The following VWDE variants were observed in gnomAD, a reference collection of about 807,000 sequenced individuals.
The protein encoded by VWDE is von Willebrand factor D and EGF domain-containing protein.
Under a neutral mutation model 178.4 loss-of-function variants are expected in VWDE, and 207 were observed. The observed-to-expected ratio is 1.16, with a 90% CI of 1.04 to 1.30. The LOEUF (loss-of-function observed/expected upper bound fraction) is 1.30, where lower values mean the gene tolerates loss of function less well. VWDE is among the 50% of genes most tolerant of loss of function. VWDE has a pLI of 0.00. For synonymous variants in VWDE, 738 were observed against 651.4 expected (o/e 1.13, Z -2.02); for missense variants, 2,287 against 1,901.3 (o/e 1.20, Z -3.77).
At chr7:12,398,503 G>T (rs1784730331) in intron 1 of VWDE, among the ~76,000 whole-genome samples, 1 of 152,038 alleles carries the variant, frequency 6.6e-6, no homozygotes, top group Non-Finnish European at 1.5e-5. Flanking sequence ...CCTACATGTA[G>T]CTATATTTCT....
chr7:12,388,438 A>G (rs955061323), intron 3 of VWDE, among the ~76,000 whole-genome samples: 1 of 152,174 alleles, frequency 6.6e-6, no homozygotes. Context: ...ACTCAAATGC[A>G]GCCAACAACC....
In VWDE at chr7:12,389,132, G is replaced by C. The variant is rs199964998; in HGVS notation, c.470C>G (p.Ala157Gly). The part of the protein sequence containing the change: ...QPTQGCMGYC[A>G]EAISDARLHP... The stretch of plus-strand genomic sequence containing the variant: ...AATTACTGGTGTTTTCTTACCTTCC[G>C]CACAGTAGCCCATACATCCCTGAGT... Residue 157 changes from alanine to glycine, a missense_variant, in exon 3 of 29, where the codon GCG (alanine) becomes GGG (glycine). Coordinates refer to ENST00000275358, the MANE Select transcript of VWDE (RefSeq NM_001135924.3). 7.5e-4 allele frequency: 1,162 copies of C among 1,542,022 alleles called. 1 individual carries two copies. Among genetic ancestry groups the C allele is most frequent in the Middle Eastern group, 2.0e-3 (12 of 5,970 alleles).
chr7:12,386,069 G>C (rs1215937427), intron 3 of VWDE, among the ~76,000 whole-genome samples: 4 of 151,998 alleles, frequency 2.6e-5, no homozygotes, highest in Non-Finnish European at 5.9e-5. Context: ...TGAAAGTTTT[G>C]TTTTCTTTTT....
rs1315544668 is a variant in VWDE at position 12,344,150 on chromosome 7, G to A, written c.4078+45C>T. 4.7e-6 allele frequency: 7 copies of A among 1,475,212 alleles called. No individual in the cohort carries two copies. In the African/African-American group the frequency reaches 9.9e-5, roughly 21 times the overall value. 91.4% of individuals were successfully genotyped at this position (1,475,212 alleles called of 1,614,324 possible). A position where few individuals can be genotyped will look rare whatever the true frequency, so the allele number is the denominator to read the frequency against. The stretch of plus-strand genomic sequence containing the variant: ...TAAAATGGTTTTTAAAGAAAATTAT[G>A]CTATATTTTAGGCCTTATATTTGAT... On this transcript the variant is annotated intron_variant, in intron 21 of 28. Coordinates refer to ENST00000275358, the MANE Select transcript of VWDE (RefSeq NM_001135924.3).
chr7:12,354,396 A>G lies in VWDE; in HGVS notation c.3745+1715T>C, dbSNP rs79132050. ...CATAAAATCCTTCTGGACATGAACC[A>G]CAATGATAGGAACCAAAGGTATTCA... On this transcript the variant is annotated intron_variant, in intron 18 of 28. Coordinates refer to ENST00000275358, the MANE Select transcript of VWDE (RefSeq NM_001135924.3). 2,086 of 442,996 alleles carry G rather than the reference A, an allele frequency of 4.7e-3. 47 individuals are homozygous for G. Among genetic ancestry groups the G allele is most frequent in the African/African-American group, 0.039 (1,902 of 49,138 alleles). 27.4% of individuals were successfully genotyped at this position (442,996 alleles called of 1,614,324 possible). A position where few individuals can be genotyped will look rare whatever the true frequency, so the allele number is the denominator to read the frequency against.
Position 12,331,153 on chromosome 7 carries a change from C to G in VWDE, c.*30G>C, listed in dbSNP as rs533262157. 3.3e-6 allele frequency: 5 copies of G among 1,522,576 alleles called. No homozygotes were observed. Among genetic ancestry groups the G allele is most frequent in the African/African-American group, 1.4e-5 (1 of 71,504 alleles). 94.3% of individuals were successfully genotyped at this position (1,522,576 alleles called of 1,614,324 possible). A position where few individuals can be genotyped will look rare whatever the true frequency, so the allele number is the denominator to read the frequency against. Reference sequence around the variant, plus strand: ...ACAAAATATTTCCATTCTTAAGATACAGGCTTGTAATTCATATACTTGATG... The same window carrying G: ...ACAAAATATTTCCATTCTTAAGATAGAGGCTTGTAATTCATATACTTGATG... On this transcript the variant is annotated 3_prime_UTR_variant, in exon 29 of 29. Transcript: ENST00000275358.
chr7:12,367,456 T>C lies in VWDE; in HGVS notation c.2799A>G (p.Gly933=), dbSNP rs762362033. 1.9e-6 allele frequency: 3 copies of C among 1,542,166 alleles called. No homozygotes were observed. The highest frequency in any genetic ancestry group is 2.6e-6 in the Non-Finnish European group (3 of 1,142,190). ...AATTATATTTTTGAACATCACAGAA[T>C]CCAGCATTCCCAAGCTCTGTAATTT... ...APEITELGNA[G]FCDVQKYNCM... The change falls in exon 13 of 29, where the codon GGA becomes GGG. Residue 933 remains glycine, a synonymous_variant. Coordinates refer to ENST00000275358, the MANE Select transcript of VWDE (RefSeq NM_001135924.3).
At chr7:12,369,523 A>G (rs1783038239) in intron 12 of VWDE, 22 bp downstream of exon 12, 1 of 1,492,390 alleles carries the variant, frequency 6.7e-7, no homozygotes, top group Non-Finnish European at 9.0e-7. Context: ...TGCAATATCA[A>G]ACTTTGAGAG....
At chr7:12,385,400 T>C (rs1020317831) in intron 3 of VWDE, among the ~76,000 whole-genome samples, 1 of 152,182 alleles carries the variant, frequency 6.6e-6, no homozygotes, top group South Asian at 2.1e-4. Flanking sequence ...CTAAAGTAGT[T>C]ATGATAAGAA....
rs1413298081 is a variant in VWDE, at chr7:12,391,097, G to GA, written c.244-1740dup. Among the ~76,000 whole-genome samples, 4 of 152,166 alleles carry GA rather than the reference G, an allele frequency of 2.6e-5. No individual in the cohort carries two copies. In the East Asian group the frequency reaches 7.7e-4, roughly 29 times the overall value. On this transcript the variant is annotated intron_variant, in intron 2 of 28. Coordinates refer to ENST00000275358, the MANE Select transcript of VWDE (RefSeq NM_001135924.3). ...AAATGATAATGCTATAACTGTAACT[G>GA]AAAAAGAATAGCATGTTTTTCAATT...
At chr7:12,354,320 A>C (rs1461756615) in intron 18 of VWDE, 2 of 402,544 alleles carry the variant, frequency 5.0e-6, no homozygotes, top group Non-Finnish European at 9.6e-6. Context: ...CAGCAAAAAA[A>C]ATCTCATAGC....
intron 1 of VWDE, among the ~76,000 whole-genome samples, chr7:12,401,341 T>A (rs1784884773): frequency 6.6e-6 from 1 of 152,114 alleles, no homozygotes; most frequent in African/African-American, 2.4e-5. Context: ...CCCCTCAGTA[T>A]CCACAGGGGA....
chr7:12,378,885 G>A lies in VWDE; in HGVS notation c.879+592C>T, dbSNP rs147733094. 2.5e-4 allele frequency among the ~76,000 whole-genome samples: 38 copies of A among 152,250 alleles called. No individual in the cohort carries two copies. In the South Asian group the frequency reaches 5.2e-3, roughly 21 times the overall value. On this transcript the variant is annotated intron_variant, in intron 6 of 28. Coordinates refer to ENST00000275358, the MANE Select transcript of VWDE (RefSeq NM_001135924.3). The stretch of plus-strand genomic sequence containing the variant: ...AGAAATGAATCCAGGTCAAACTCGA[G>A]TCCTGTGGGTGAGACCTTCCAGGTT...
intron 27 of VWDE, among the ~76,000 whole-genome samples, chr7:12,334,706 G>A (rs1310430907): frequency 1.3e-5 from 2 of 152,228 alleles, no homozygotes; most frequent in South Asian, 4.1e-4. Context: ...GCAGGATGCA[G>A]AAACAGGGTG....
intron 3 of VWDE, among the ~76,000 whole-genome samples, chr7:12,384,988 T>G (rs10273416): frequency 0.048 from 7,306 of 152,232 alleles, 359 homozygotes; most frequent in South Asian, 0.16. Flanking sequence ...CTAACTAGCT[T>G]GCTAAGTAGA....
intron 24 of VWDE, 40 bp from the exon 25 acceptor site, chr7:12,337,312 T>A (rs771946314): frequency 8.2e-6 from 12 of 1,462,632 alleles, no homozygotes; most frequent in South Asian, 1.2e-5. Flanking sequence ...ATATTACACA[T>A]CCCATTACTA....
chr7:12,369,617 T>C lies in VWDE; in HGVS notation c.2689A>G (p.Asn897Asp). 1 of 1,551,500 alleles carries C rather than the reference T, an allele frequency of 6.4e-7. No homozygotes were observed. The highest frequency in any genetic ancestry group is 8.7e-7 in the Non-Finnish European group (1 of 1,146,818). ...VLKCPNLCSG[N>D]GQCMEWGCAC... ...CACCCCCATTCCATGCACTGCCCATTGCCGCTGCATAAATTGGGGCATTTT... is the reference window on the plus strand; with the variant it reads ...CACCCCCATTCCATGCACTGCCCATCGCCGCTGCATAAATTGGGGCATTTT... Residue 897 changes from asparagine to aspartate, a missense_variant, in exon 12 of 29, where the codon AAT (asparagine) becomes GAT (aspartate). Asn to Asp is a conservative substitution (Grantham distance 23, BLOSUM62 1). Transcript: ENST00000275358.
chr7:12,340,261 G>A, intron 24 of VWDE, 61 bp downstream of exon 24: 4 of 1,290,366 alleles, frequency 3.1e-6, no homozygotes, highest in Non-Finnish European at 4.3e-6. Context: ...TGTTTACTCA[G>A]AGCTCTGTTG....
At chr7:12,337,416 C>G (rs1434310454) in intron 24 of VWDE, 144 bp from the exon 25 acceptor site, 25 of 748,108 alleles carry the variant, frequency 3.3e-5, no homozygotes, top group Admixed American at 1.7e-4. Flanking sequence ...TAAACCTGTC[C>G]TTTCTAAATC....
Sources: allele counts gnomAD v4.1 joint callset (sites outside exome capture counted in the v4.1 genomes callset), GRCh38; gene constraint gnomAD v4.1.1; transcripts MANE v1.5; gene names NCBI Gene and HGNC (gene_info 2026-07-23, HGNC 2026-07-21).